The following SETD1B variants were observed in gnomAD, a reference collection of about 807,000 sequenced individuals.
SETD1B encodes histone-lysine N-methyltransferase SETD1B.
SETD1B carries 7 observed loss-of-function variants against 148.0 expected under a neutral mutation model. The observed-to-expected ratio is 0.05, with a 90% CI of 0.03 to 0.09. SETD1B has a LOEUF of 0.09. SETD1B is among the 10% of genes least tolerant of loss of function. The pLI is 1.00. For missense variants in SETD1B, 2,155 were observed against 2,729.9 expected, an observed-to-expected ratio of 0.79 and a Z score of 4.69; for synonymous variants, 1,361 against 1,186.5, an observed-to-expected ratio of 1.15 and a Z score of -3.02.
At position 121,831,644 on chromosome 12, in the gene SETD1B, AAAGC is replaced by A. The variant is rs1282465363; in HGVS notation, c.*1409_*1412del. 1.3e-5 allele frequency: 2 copies of A among 152,116 alleles called. No homozygotes were observed. The highest frequency in any genetic ancestry group is 2.4e-5 in the African/African-American group (1 of 41,446). The allele number at this position is 152,116 out of a possible 1,614,324, so 9.4% of individuals were successfully genotyped here. On this transcript the variant is annotated 3_prime_UTR_variant, in exon 17 of 17. Transcript: ENST00000604567. ...CCAAAAAAAAAGGAAAAAAAAGACA[AAAGC>A]AAGTCCCCCCGTACCCCAGAAAGCA...
At position 121,814,340 on chromosome 12, in the gene SETD1B, C is replaced by A; in HGVS notation, c.2125C>A (p.Leu709Met). Residue 709 changes from leucine (L) to methionine (M), a missense_variant, in exon 7 of 17, where the codon CTG becomes ATG. By Grantham distance (15) the Leu-to-Met change is conservative. Around this residue, in one of 11 missense-constraint regions of SETD1B, gnomAD observed 295 missense variants for 303.8 expected, o/e 0.97. Coordinates refer to ENST00000604567, the MANE Select transcript of SETD1B (RefSeq NM_001353345.2). ...GCCTGGCTTCCCCATGCCCCCACCGCTGCCCCCACCGCCGCCCCCACCCCC... is the reference window on the plus strand; with the variant it reads ...GCCTGGCTTCCCCATGCCCCCACCGATGCCCCCACCGCCGCCCCCACCCCC... ...PQPGFPMPPP[L>M]PPPPPPPPPA... The A allele has an allele frequency of 1.3e-6, 1 of 795,426 alleles. No individual in the cohort carries two copies. The highest frequency in any genetic ancestry group is 1.9e-6 in the Non-Finnish European group (1 of 532,350). 49.3% of individuals were successfully genotyped at this position (795,426 alleles called of 1,614,324 possible). A position where few individuals can be genotyped will look rare whatever the true frequency, so the allele number is the denominator to read the frequency against.
rs1350407981 is a variant in SETD1B, at chr12:121,819,555, G to A, written c.3570G>A (p.Glu1190=). ...EVVAREEEEE[E]EEEEMVAEES... is the part of the protein sequence containing the mutation. The stretch of plus-strand genomic sequence containing the variant: ...TGGCCAGGGAAGAGGAGGAAGAAGA[G>A]GAGGAGGAGGAGATGGTGGCCGAGG... The change falls in exon 11 of 17, where the codon GAG becomes GAA. Residue 1190 remains glutamate, a synonymous_variant. Coordinates refer to ENST00000604567, the MANE Select transcript of SETD1B (RefSeq NM_001353345.2). 8 of 1,546,242 alleles carry A rather than the reference G, an allele frequency of 5.2e-6. No homozygotes were observed. The African/African-American group carries it at 5.5e-5, about 11-fold the overall frequency.
In SETD1B at chr12:121,817,637, A is replaced by G. The variant is rs1428656479; in HGVS notation, c.3245A>G (p.Glu1082Gly). 3.2e-6 allele frequency: 5 copies of G among 1,546,228 alleles called. No individual in the cohort carries two copies. In the East Asian group the frequency reaches 1.2e-4, roughly 38 times the overall value. ...ACCGAGGAGGAAGAGGAGGCGGAGG[A>G]GGAGGAGGAGGAGGAAGTCCCCAGG... ...ESTEEEEEAE[E>G]EEEEEVPRSQ... is the part of the protein sequence containing the mutation. The change falls in exon 9 of 17, where the codon GAG becomes GGG. Residue 1082 changes from glutamate to glycine, a missense_variant. Transcript: ENST00000604567. The surrounding 1 kb of genome is among the most constrained non-coding windows in gnomAD (Gnocchi z 8.1).
rs1875688031 is a variant in SETD1B at position 121,805,454 on chromosome 12, G to C, written c.273+238G>C. On this transcript the variant is annotated intron_variant, in intron 3 of 16. Coordinates refer to ENST00000604567, the MANE Select transcript of SETD1B (RefSeq NM_001353345.2). This position sits in a 1 kb window ranked among gnomAD's most constrained non-coding sequence, Gnocchi z 4.2. ...GATACAGTGTCCTGCACGCCCCGCG[G>C]GGGGCTCGGCTCCGAGACTCTCCCC... Among the ~76,000 whole-genome samples the C allele has an allele frequency of 1.3e-5, 2 of 152,176 alleles. No homozygotes were observed. Among genetic ancestry groups the C allele is most frequent in the Non-Finnish European group, 2.9e-5 (2 of 68,038 alleles).
intron 6 of SETD1B, among the ~76,000 whole-genome samples, chr12:121,812,074 G>T (rs570122710): frequency 4.3e-4 from 66 of 151,726 alleles, no homozygotes; most frequent in Non-Finnish European, 8.5e-4. Flanking sequence ...CCGGGAGCGA[G>T]GGTCTGGGAC....
In SETD1B at chr12:121,810,078, T is replaced by A. The variant is rs1160597674; in HGVS notation, c.1133T>A (p.Phe378Tyr). 6.5e-7 allele frequency: 1 copy of A among 1,550,100 alleles called. No individual in the cohort carries two copies. The change falls in exon 6 of 17, where the codon TTT becomes TAT. Residue 378 changes from phenylalanine to tyrosine, a missense_variant. Phe to Tyr is a conservative substitution (Grantham distance 22). Coordinates refer to ENST00000604567, the MANE Select transcript of SETD1B (RefSeq NM_001353345.2). The surrounding 1 kb of genome is among the most constrained non-coding windows in gnomAD (Gnocchi z 7.6). ...GCTCAACCACAGGATTCAGCCACAT[T>A]TGCCCACACTCCACCACCCGCCCAA... ...FKAQPQDSAT[F>Y]AHTPPPAQAT...
Position 121,817,867 on chromosome 12 carries a change from A to G in SETD1B, c.3381A>G (p.Ser1127=). Reference sequence around the variant, plus strand: ...ACGATGACGAGGACACAGCCCTGTCAGAGGCGAGTGAGAAGGACGAAGGGG... The same window carrying G: ...ACGATGACGAGGACACAGCCCTGTCGGAGGCGAGTGAGAAGGACGAAGGGG... The part of the protein sequence containing the change: ...SENDDEDTAL[S]EASEKDEGDS... The change falls in exon 10 of 17, where the codon TCA becomes TCG. Residue 1127 remains serine, a synonymous_variant. Transcript: ENST00000604567. The surrounding 1 kb of genome is among the most constrained non-coding windows in gnomAD (Gnocchi z 8.1). 1 of 1,551,006 alleles carries G rather than the reference A, an allele frequency of 6.4e-7. No homozygotes were observed. Among genetic ancestry groups the G allele is most frequent in the Non-Finnish European group, 8.7e-7 (1 of 1,146,678 alleles).
rs558089040 is a variant in SETD1B at position 121,822,545 on chromosome 12, A to G, written c.3966A>G (p.Gln1322=). ...CTATGATGCTCCCCTTGCCGCTGCA[A>G]CCACCATTGCCGCCCCCACGACCAC... ...EPPMMLPLPL[Q]PPLPPPRPPR... The change falls in exon 12 of 17, where the codon CAA becomes CAG. Residue 1322 remains glutamine (Q), a synonymous_variant. Transcript: ENST00000604567. 133 of 1,550,976 alleles carry G rather than the reference A, an allele frequency of 8.6e-5. 1 individual carries two copies. The African/African-American group carries it at 1.5e-3, about 17-fold the overall frequency.
In SETD1B at chr12:121,804,677, C is replaced by T. The variant is rs1050361724; in HGVS notation, c.-14-47C>T. 5.4e-5 allele frequency: 76 copies of T among 1,399,380 alleles called. No homozygotes were observed. Among genetic ancestry groups the T allele is most frequent in the Non-Finnish European group, 7.3e-5 (75 of 1,032,954 alleles). The allele number at this position is 1,399,380 out of a possible 1,614,324, so 86.7% of individuals were successfully genotyped here. The stretch of plus-strand genomic sequence containing the variant: ...TCTTTCGCGTGTGTGTAGAAGCGGC[C>T]GCCGCCGCCGCCGCGGCGGAGACGA... On this transcript the variant is annotated intron_variant, in intron 1 of 16. Transcript: ENST00000604567. The surrounding 1 kb of genome is among the most constrained non-coding windows in gnomAD (Gnocchi z 4.6).
chr12:121,799,864 C>A (rs1458406594), upstream of SETD1B: 1 of 152,120 alleles, frequency 6.6e-6, no homozygotes, highest in Admixed American at 6.5e-5. Context: ...GGAGGACTGT[C>A]AGAGTCAAAC....
Position 121,817,338 on chromosome 12 carries a change from C to G in SETD1B, c.2978-32C>G, listed in dbSNP as rs909222863. ...GGGGTCCCCTTCTTCCGCATCCCCCCAGCCCAGCTCTGACTCCCTCCCTTC... is the reference window on the plus strand; with the variant it reads ...GGGGTCCCCTTCTTCCGCATCCCCCGAGCCCAGCTCTGACTCCCTCCCTTC... On this transcript the variant is annotated intron_variant, in intron 8 of 16. Coordinates refer to ENST00000604567, the MANE Select transcript of SETD1B (RefSeq NM_001353345.2). The surrounding 1 kb of genome is among the most constrained non-coding windows in gnomAD (Gnocchi z 8.1). 2 of 1,536,212 alleles carry G rather than the reference C, an allele frequency of 1.3e-6. No homozygotes were observed. Among genetic ancestry groups the G allele is most frequent in the Non-Finnish European group, 8.8e-7 (1 of 1,138,044 alleles).
the SETD1B span, chr12:121,793,534 A>G: frequency 6.5e-7 from 1 of 1,544,898 alleles, no homozygotes. Context: ...ATGAGCAGCG[A>G]GGTCTTGCCG....
chr12:121,804,632 TG>T lies in SETD1B; in HGVS notation c.-14-87del. 1 of 1,077,236 alleles carries T rather than the reference TG, an allele frequency of 9.3e-7. No individual in the cohort carries two copies. The highest frequency in any genetic ancestry group is 1.3e-6 in the Non-Finnish European group (1 of 766,142). The allele number at this position is 1,077,236 out of a possible 1,614,324, so 66.7% of individuals were successfully genotyped here. ...GGCGCGCTGGCAAGGTGGGAGGGGG[TG>T]GGGGCCTGCCGATTGGATTCTTTCG... On this transcript the variant is annotated intron_variant, in intron 1 of 16. Transcript: ENST00000604567. This position sits in a 1 kb window ranked among gnomAD's most constrained non-coding sequence, Gnocchi z 4.6.
the SETD1B span, among the ~76,000 whole-genome samples, chr12:121,792,447 C>T: frequency 3.6e-4 from 55 of 152,372 alleles, 1 homozygote; most frequent in East Asian, 6.4e-3. Flanking sequence ...GTAAACCACC[C>T]GTGGGGGCCT....
chr12:121,828,341 G>A (rs1430547574), intron 16 of SETD1B, among the ~76,000 whole-genome samples: 1 of 152,256 alleles, frequency 6.6e-6, no homozygotes, highest in African/African-American at 2.4e-5. Context: ...CAGTTCATTG[G>A]TAATTTCGGA....
the SETD1B span, chr12:121,797,879 T>TCGC: frequency 8.9e-6 from 3 of 335,312 alleles, no homozygotes; most frequent in African/African-American, 6.5e-5. Flanking sequence ...TCAGGTGCTT[T>TCGC]CGCCCTCTTG....
Position 121,823,524 on chromosome 12 carries a change from C to T in SETD1B, c.4945C>T (p.Arg1649Cys), listed in dbSNP as rs1436215916. ...RGPWRRPPKKRHEDLVPPAGS... is the reference protein window; with the variant it reads ...RGPWRRPPKKCHEDLVPPAGS... ...GCCGTGGCGCCGGCCACCTAAGAAG[C>T]GCCATGAGGACCTGGTGCCACCTGC... Residue 1649 changes from arginine (R) to cysteine (C), a missense_variant, in exon 12 of 17, where the codon CGC becomes TGC. Physicochemically the swap from Arg to Cys is radical, Grantham distance 180 (BLOSUM62 -3). This residue lies in a region of SETD1B where 862 missense variants were observed against 873.8 expected (regional missense o/e 0.99). Coordinates refer to ENST00000604567, the MANE Select transcript of SETD1B (RefSeq NM_001353345.2). 8 of 1,550,876 alleles carry T rather than the reference C, an allele frequency of 5.2e-6. No homozygotes were observed. Among genetic ancestry groups the T allele is most frequent in the African/African-American group, 4.1e-5 (3 of 73,006 alleles).
rs1052205521 is a variant in SETD1B at position 121,823,307 on chromosome 12, C to T, written c.4728C>T (p.Asn1576=). The change falls in exon 12 of 17, where the codon AAC becomes AAT. Residue 1576 remains asparagine (N), a synonymous_variant. Coordinates refer to ENST00000604567, the MANE Select transcript of SETD1B (RefSeq NM_001353345.2). The part of the protein sequence containing the change: ...DPRTVTLDFR[N]AGIPAPPPPL... The stretch of plus-strand genomic sequence containing the variant: ...GGACGGTGACCCTGGACTTCCGGAA[C>T]GCGGGGATCCCAGCCCCTCCACCAC... The T allele has an allele frequency of 5.0e-5, 77 of 1,548,138 alleles. No individual in the cohort carries two copies. Among genetic ancestry groups the T allele is most frequent in the African/African-American group, 6.9e-5 (5 of 72,874 alleles).
intron 6 of SETD1B, among the ~76,000 whole-genome samples, chr12:121,811,682 CAG>C (rs1876040931): frequency 6.6e-6 from 1 of 152,156 alleles, no homozygotes. Context: ...CATGGGCAGT[CAG>C]GGGCTTAGAC....
Sources: allele counts gnomAD v4.1 joint callset (sites outside exome capture counted in the v4.1 genomes callset), GRCh38; gene constraint gnomAD v4.1.1; regional missense constraint gnomAD v4.1.1; non-coding constraint Gnocchi (gnomAD v3.1); transcripts MANE v1.5; gene names NCBI Gene and HGNC (gene_info 2026-07-23, HGNC 2026-07-21).